The following ADAMTS19 variants were observed in gnomAD, a reference collection of about 807,000 sequenced individuals.
ADAMTS19 encodes A disintegrin and metalloproteinase with thrombospondin motifs 19.
ADAMTS19 carries 93 observed loss-of-function variants against 153.3 expected under a neutral mutation model. The observed-to-expected ratio is 0.61, with a 90% confidence interval of 0.51 to 0.72. The LOEUF is 0.72. ADAMTS19 is among the 30% of genes least tolerant of loss of function. The pLI is 0.00. For synonymous variants in ADAMTS19, 600 were observed against 556.6 expected, an observed-to-expected ratio of 1.08 and a Z score of -1.10; for missense variants, 1,482 against 1,552.1, an observed-to-expected ratio of 0.95 and a Z score of 0.76.
At chr5:129,523,163 T>C (rs556596401) in intron 3 of ADAMTS19, among the ~76,000 whole-genome samples, 3 of 151,646 alleles carry the variant, frequency 2.0e-5, no homozygotes, top group Non-Finnish European at 4.4e-5. Flanking sequence ...TAGGATAGAA[T>C]AGAAGAGAAT....
intron 10 of ADAMTS19, among the ~76,000 whole-genome samples, chr5:129,631,699 A>G (rs1405990568): frequency 6.6e-6 from 1 of 151,786 alleles, no homozygotes; most frequent in African/African-American, 2.4e-5. Context: ...TTTGCATGGT[A>G]TATTATGCTT....
intron 7 of ADAMTS19, among the ~76,000 whole-genome samples, chr5:129,573,206 G>T (rs1450370002): frequency 6.6e-6 from 1 of 151,988 alleles, no homozygotes; most frequent in Non-Finnish European, 1.5e-5. Context: ...TGTCATAAAT[G>T]AAGCCTTGCT....
chr5:129,611,958 T>C (rs1386983808), intron 8 of ADAMTS19, among the ~76,000 whole-genome samples: 1 of 151,996 alleles, frequency 6.6e-6, no homozygotes, highest in African/African-American at 2.4e-5. Context: ...TAATTTTTGA[T>C]CTTTTTTAAT....
At chr5:129,592,063 T>G (rs1044649270) in intron 7 of ADAMTS19, among the ~76,000 whole-genome samples, 1 of 152,078 alleles carries the variant, frequency 6.6e-6, no homozygotes, top group African/African-American at 2.4e-5. Context: ...GTTTGCTTTT[T>G]ATTTCCAGAA....
intron 15 of ADAMTS19, among the ~76,000 whole-genome samples, chr5:129,662,548 A>G (rs1753857267): frequency 6.6e-6 from 1 of 152,248 alleles, no homozygotes; most frequent in Non-Finnish European, 1.5e-5. Context: ...AGATATAACT[A>G]TAGTTCTAAT....
intron 11 of ADAMTS19, among the ~76,000 whole-genome samples, chr5:129,642,275 A>C (rs1248233111): frequency 6.6e-6 from 1 of 152,084 alleles, no homozygotes; most frequent in Non-Finnish European, 1.5e-5. Flanking sequence ...TAAATTAAGC[A>C]CAAATAATAG....
intron 7 of ADAMTS19, among the ~76,000 whole-genome samples, chr5:129,558,300 T>A (rs1753382729): frequency 6.6e-6 from 1 of 152,072 alleles, no homozygotes; most frequent in Admixed American, 6.6e-5. Flanking sequence ...AGAATTAAAT[T>A]ATGAGAAATA....
intron 19 of ADAMTS19, among the ~76,000 whole-genome samples, chr5:129,699,853 A>T (rs1241547727): frequency 2.0e-5 from 3 of 152,222 alleles, no homozygotes; most frequent in African/African-American, 4.8e-5. Flanking sequence ...GAATCATTTT[A>T]AAAATGCTAC....
chr5:129,614,384 C>T (rs376618039), intron 8 of ADAMTS19, among the ~76,000 whole-genome samples: 1,936 of 152,050 alleles, frequency 0.013, 29 homozygotes, highest in African/African-American at 0.04. Context: ...GTTCAACATA[C>T]GAAAATCAAT....
Position 129,679,862 on chromosome 5 carries a change from C to G in ADAMTS19, c.2605C>G (p.Arg869Gly), listed in dbSNP as rs1278634512. ...TGGAACTACCGTTCATTATGTAAGA[C>G]GAGGCCTCTGGGAGAAGATCTCTGC... ...LAGTTVHYVRRGLWEKISAKG... is the reference protein window; with the variant it reads ...LAGTTVHYVRGGLWEKISAKG... Residue 869 changes from arginine (R) to glycine (G), a missense_variant, in exon 17 of 23, where the codon CGA becomes GGA. Around this residue, in one of 2 missense-constraint regions of ADAMTS19, gnomAD observed 616 missense variants for 724.4 expected, o/e 0.85. Transcript: ENST00000274487. The G allele has an allele frequency of 6.2e-7, 1 of 1,613,990 alleles. No homozygotes were observed.
chr5:129,665,133 G>T (rs906022947), intron 15 of ADAMTS19, among the ~76,000 whole-genome samples: 3 of 151,644 alleles, frequency 2.0e-5, no homozygotes, highest in Non-Finnish European at 4.4e-5. Flanking sequence ...ACCTAAAGAA[G>T]TTCCCACAAC....
intron 2 of ADAMTS19, among the ~76,000 whole-genome samples, chr5:129,484,405 C>T (rs2126676466): frequency 6.6e-6 from 1 of 152,166 alleles, no homozygotes; most frequent in Non-Finnish European, 1.5e-5. Context: ...CCAAATTTGC[C>T]TATATATTTC....
intron 16 of ADAMTS19, among the ~76,000 whole-genome samples, chr5:129,677,822 C>T (rs145365295): frequency 6.6e-6 from 1 of 151,978 alleles, no homozygotes; most frequent in Admixed American, 6.6e-5. Flanking sequence ...ACTTTCCCCC[C>T]CACCCCGCCA....
intron 14 of ADAMTS19, among the ~76,000 whole-genome samples, chr5:129,656,075 A>T (rs1450381216): frequency 6.6e-6 from 1 of 152,174 alleles, no homozygotes; most frequent in Admixed American, 6.5e-5. Flanking sequence ...TGTGCATGTC[A>T]AATATAATAG....
chr5:129,577,307 G>T (rs1749178221), intron 7 of ADAMTS19, among the ~76,000 whole-genome samples: 1 of 152,028 alleles, frequency 6.6e-6, no homozygotes, highest in Non-Finnish European at 1.5e-5. Flanking sequence ...TCCAGAAACT[G>T]TTTCACACAT....
chr5:129,673,278 G>T (rs72792822), intron 16 of ADAMTS19, among the ~76,000 whole-genome samples: 9,124 of 151,746 alleles, frequency 0.06, 401 homozygotes, highest in Middle Eastern at 0.13. Context: ...GAACTTCATT[G>T]CTTTCTTCTT....
At chr5:129,582,704 C>T (rs1020821898) in intron 7 of ADAMTS19, among the ~76,000 whole-genome samples, 1 of 151,632 alleles carries the variant, frequency 6.6e-6, no homozygotes, top group Non-Finnish European at 1.5e-5. Flanking sequence ...TCTCGAGTAG[C>T]TGGGACTACA....
intron 14 of ADAMTS19, among the ~76,000 whole-genome samples, chr5:129,656,441 C>T (rs27707): frequency 0.15 from 22,194 of 152,064 alleles, 1,799 homozygotes; most frequent in East Asian, 0.3. Context: ...ACTTAGTGAA[C>T]GAAAGGCAAT....
At chr5:129,604,916 G>A (rs1048556726) in intron 8 of ADAMTS19, among the ~76,000 whole-genome samples, 2 of 152,092 alleles carry the variant, frequency 1.3e-5, no homozygotes, top group African/African-American at 2.4e-5. Context: ...GACAGTAAAT[G>A]AAGCTCCATC....
Sources: allele counts gnomAD v4.1 joint callset (sites outside exome capture counted in the v4.1 genomes callset), GRCh38; gene constraint gnomAD v4.1.1; regional missense constraint gnomAD v4.1.1; transcripts MANE v1.5; gene names NCBI Gene and HGNC (gene_info 2026-07-23, HGNC 2026-07-21).